Variants in LANCL2 observed in about 807,000 individuals in gnomAD.
The protein encoded by LANCL2 is lanC-like protein 2.
LANCL2 carries 33 observed loss-of-function variants against 56.9 expected under a neutral mutation model. That is an observed-to-expected ratio of 0.58 (90% CI 0.44 to 0.78). The LOEUF is 0.78. Ranked by LOEUF, LANCL2 falls within the 30% of genes least tolerant of loss-of-function variation. The pLI is 0.00. For synonymous variants in LANCL2, 233 were observed against 228.2 expected (o/e 1.02, Z -0.19); for missense variants, 562 against 580.2 (o/e 0.97, Z 0.32).
rs1789856150 is a variant in LANCL2, at chr7:55,365,953, A to AGGCGGCGGCGGGGCGAGCTGC, written c.-72_-52dup. 1 of 1,212,470 alleles carries AGGCGGCGGCGGGGCGAGCTGC rather than the reference A, an allele frequency of 8.2e-7. No individual in the cohort carries two copies. The highest frequency in any genetic ancestry group is 1.1e-6 in the Non-Finnish European group (1 of 913,444). The allele number at this position is 1,212,470 out of a possible 1,614,324, so 75.1% of individuals were successfully genotyped here. On this transcript the variant is annotated 5_prime_UTR_variant, in exon 1 of 9. Transcript: ENST00000254770. Reference sequence around the variant, plus strand: ...CGCTCTCTGCGCGGGCCCTCGGAGGAGGCGGCGGCGGGGCGAGCTGCAGCG... The same window carrying AGGCGGCGGCGGGGCGAGCTGC: ...CGCTCTCTGCGCGGGCCCTCGGAGGAGGCGGCGGCGGGGCGAGCTGCGGCGGCGGCGGGGCGAGCTGCAGCG...
intron 4 of LANCL2, 46 bp from the exon 5 acceptor site, chr7:55,401,128 G>C (rs765165986): frequency 6.5e-7 from 1 of 1,538,446 alleles, no homozygotes; most frequent in South Asian, 1.1e-5. Context: ...ACTACAACAG[G>C]GTACATATAC....
Position 55,412,035 on chromosome 7 carries a change from G to A in LANCL2, c.954G>A (p.Val318=). 6.2e-7 allele frequency: 1 copy of A among 1,614,210 alleles called. No homozygotes were observed. Among genetic ancestry groups the A allele is most frequent in the Non-Finnish European group, 8.5e-7 (1 of 1,180,020 alleles). ...SSLSNETDRL[V]HWCHGAPGVI... is the part of the protein sequence containing the mutation. ...TAAGCAATGAAACAGACCGGCTGGT[G>A]CACTGGTGCCACGGCGCCCCGGGGG... The change falls in exon 6 of 9, where the codon GTG becomes GTA. Residue 318 remains valine (V), a synonymous_variant. Coordinates refer to ENST00000254770, the MANE Select transcript of LANCL2 (RefSeq NM_018697.4).
chr7:55,401,421 A>G (rs1790323680), intron 5 of LANCL2, 101 bp downstream of exon 5: 1 of 960,284 alleles, frequency 1.0e-6, no homozygotes, highest in African/African-American at 1.7e-5. Flanking sequence ...GAAATACCCT[A>G]CTTTGAATCG....
intron 1 of LANCL2, among the ~76,000 whole-genome samples, chr7:55,371,389 A>G (rs552463658): frequency 6.6e-6 from 1 of 152,172 alleles, no homozygotes; most frequent in South Asian, 2.1e-4. Context: ...ATGCCCAACT[A>G]GTTTTTGTAT....
At chr7:55,430,053 GC>G (rs1790711574) in intron 8 of LANCL2, among the ~76,000 whole-genome samples, 2 of 152,248 alleles carry the variant, frequency 1.3e-5, no homozygotes, top group African/African-American at 4.8e-5. Context: ...TGGATCCGCT[GC>G]CCACACACCT....
At chr7:55,371,828 T>A (rs770147489) in intron 1 of LANCL2, among the ~76,000 whole-genome samples, 4 of 152,180 alleles carry the variant, frequency 2.6e-5, no homozygotes, top group Non-Finnish European at 4.4e-5. Context: ...TCATAATATA[T>A]CATGGAAGCA....
At chr7:55,381,078 C>T (rs370471088) in intron 1 of LANCL2, among the ~76,000 whole-genome samples, 3 of 152,010 alleles carry the variant, frequency 2.0e-5, no homozygotes, top group South Asian at 4.1e-4. Context: ...ACCATGTTGG[C>T]CAGGCTGGTC....
intron 2 of LANCL2, 37 bp from the exon 3 acceptor site, chr7:55,398,386 A>G: frequency 2.1e-6 from 3 of 1,433,748 alleles, no homozygotes; most frequent in Non-Finnish European, 3.0e-6. Flanking sequence ...AGGAAAAGAT[A>G]ATAATGCTTT....
intron 4 of LANCL2, among the ~76,000 whole-genome samples, chr7:55,400,592 C>G (rs1790310401): frequency 6.6e-6 from 1 of 152,188 alleles, no homozygotes; most frequent in Non-Finnish European, 1.5e-5. Context: ...ATCCCAGTGC[C>G]AGAACTTCAT....
At chr7:55,400,239 A>G (rs1199435983) in intron 4 of LANCL2, 135 bp downstream of exon 4, 2 of 638,298 alleles carry the variant, frequency 3.1e-6, no homozygotes, top group Non-Finnish European at 4.8e-6. Flanking sequence ...AGTAAGAAAT[A>G]GTCCCTGCTT....
rs148587240 is a variant in LANCL2, at chr7:55,433,521, T to G, written c.*2201T>G. On this transcript the variant is annotated 3_prime_UTR_variant, in exon 9 of 9. Transcript: ENST00000254770. ...TCACAGGACAGAGGATTGACAGAAG[T>G]CAGTTTAAGATAAGTGTTTGAATCA... is the stretch of plus-strand genomic sequence containing the variant. 4 of 152,304 alleles carry G rather than the reference T, an allele frequency of 2.6e-5. No homozygotes were observed. Among genetic ancestry groups the G allele is most frequent in the African/African-American group, 9.6e-5 (4 of 41,570 alleles). The allele number at this position is 152,304 out of a possible 1,614,324, so 9.4% of individuals were successfully genotyped here. A position where few individuals can be genotyped will look rare whatever the true frequency, so the allele number is the denominator to read the frequency against.
chr7:55,390,415 G>C (rs1583749165), intron 1 of LANCL2, among the ~76,000 whole-genome samples: 1 of 152,172 alleles, frequency 6.6e-6, no homozygotes, highest in African/African-American at 2.4e-5. Flanking sequence ...AGACCAGCCT[G>C]GCCAACATGG....
chr7:55,399,374 G>A (rs1254855524), intron 3 of LANCL2, among the ~76,000 whole-genome samples: 13 of 140,898 alleles, frequency 9.2e-5, no homozygotes, highest in African/African-American at 1.1e-4. Flanking sequence ...ATGGAATTTC[G>A]CTCTTGTTGC....
rs148902714 is a variant in LANCL2, at chr7:55,380,569, T to C, written c.205-11224T>C. The stretch of plus-strand genomic sequence containing the variant: ...CAAAGGCACTGGAGACTAAGCAGAC[T>C]GCAGTGTAATTGGTTTTTTGTATTA... On this transcript the variant is annotated intron_variant, in intron 1 of 8. Coordinates refer to ENST00000254770, the MANE Select transcript of LANCL2 (RefSeq NM_018697.4). Among the ~76,000 whole-genome samples the C allele has an allele frequency of 8.5e-3, 1,300 of 152,332 alleles. 18 individuals carry two copies. Among genetic ancestry groups the C allele is most frequent in the African/African-American group, 0.03 (1,244 of 41,564 alleles).
At chr7:55,420,002 A>G (rs909542501) in intron 6 of LANCL2, among the ~76,000 whole-genome samples, 2 of 152,188 alleles carry the variant, frequency 1.3e-5, no homozygotes, top group African/African-American at 4.8e-5. Flanking sequence ...AAAATCCAAA[A>G]TTATCTGGGC....
chr7:55,372,981 A>C (rs1249565061), intron 1 of LANCL2, among the ~76,000 whole-genome samples: 1 of 152,190 alleles, frequency 6.6e-6, no homozygotes, highest in Non-Finnish European at 1.5e-5. Context: ...GGAATAACCA[A>C]ACCACTTGGA....
At chr7:55,402,419 CG>C (rs1156738074) in intron 5 of LANCL2, among the ~76,000 whole-genome samples, 19 of 121,120 alleles carry the variant, frequency 1.6e-4, no homozygotes, top group Non-Finnish European at 3.4e-4. Context: ...GCTGGCCGGG[CG>C]GGGGGCTGAC....
chr7:55,390,739 C>T (rs968430013), intron 1 of LANCL2, among the ~76,000 whole-genome samples: 12 of 151,340 alleles, frequency 7.9e-5, no homozygotes, highest in Admixed American at 7.3e-4. Flanking sequence ...TGAGATCACA[C>T]CACAGCACTC....
chr7:55,396,632 A>T (rs2128993252), intron 2 of LANCL2, among the ~76,000 whole-genome samples: 1 of 152,314 alleles, frequency 6.6e-6, no homozygotes, highest in Non-Finnish European at 1.5e-5. Context: ...CACATCCCTA[A>T]GGGCCTGTTC....
Sources: gnomAD v4.1 joint callset for allele counts (sites outside exome capture counted in the v4.1 genomes callset) on GRCh38, gnomAD v4.1.1 for gene constraint, MANE v1.5 for transcripts, NCBI Gene and HGNC (gene_info 2026-07-23, HGNC 2026-07-21) for gene names.